PPP2R1B: variants seen among roughly 807,000 people sequenced by gnomAD.
PPP2R1B encodes the protein serine/threonine-protein phosphatase 2A 65 kDa regulatory subunit A beta isoform.
A neutral mutation model predicts 72.7 loss-of-function variants in PPP2R1B; 58 were observed. The ratio of observed to expected loss-of-function variants is 0.80; its 90% CI spans 0.65 to 0.99. The LOEUF (loss-of-function observed/expected upper bound fraction) is 0.99. PPP2R1B is among the 50% of genes least tolerant of loss of function. PPP2R1B has a pLI of 0.00. For synonymous variants in PPP2R1B, 256 were observed against 264.6 expected (o/e 0.97, Z 0.32); for missense variants, 695 against 733.6 (o/e 0.95, Z 0.61).
chr11:111,741,826 T>C (rs564960621), intron 14 of PPP2R1B, among the ~76,000 whole-genome samples: 2 of 152,332 alleles, frequency 1.3e-5, no homozygotes, highest in Admixed American at 6.5e-5. Context: ...AGAATCGTAT[T>C]TCCTACCCAG....
At chr11:111,696,427 A>G in the PPP2R1B span, among the ~76,000 whole-genome samples, 1 of 152,316 alleles carries the variant, frequency 6.6e-6, no homozygotes, top group African/African-American at 2.4e-5. Flanking sequence ...CAACTCTTCT[A>G]TAAATCTAAA....
At chr11:111,704,783 T>A in the PPP2R1B span, among the ~76,000 whole-genome samples, 5 of 152,308 alleles carry the variant, frequency 3.3e-5, no homozygotes, top group Admixed American at 3.3e-4. Flanking sequence ...TTTAAAGGGA[T>A]CATCCTTTAT....
downstream of PPP2R1B, among the ~76,000 whole-genome samples, chr11:111,734,611 G>T (rs1392363892): frequency 6.6e-6 from 1 of 152,232 alleles, no homozygotes; most frequent in Non-Finnish European, 1.5e-5. Context: ...GGACTTCAAG[G>T]TCCAATTGCC....
At chr11:111,707,781 A>G in the PPP2R1B span, among the ~76,000 whole-genome samples, 4 of 152,204 alleles carry the variant, frequency 2.6e-5, no homozygotes, top group African/African-American at 7.2e-5. Context: ...AATTGAGGAA[A>G]CAACATGATC....
chr11:111,754,005 C>T (rs1409057192), intron 8 of PPP2R1B, among the ~76,000 whole-genome samples: 1 of 152,014 alleles, frequency 6.6e-6, no homozygotes, highest in African/African-American at 2.4e-5. Context: ...CCATCTCAAC[C>T]TCCTGGGCTC....
intron 5 of PPP2R1B, 46 bp from the exon 6 acceptor site, chr11:111,755,496 T>C (rs375644673): frequency 2.6e-6 from 4 of 1,550,526 alleles, no homozygotes; most frequent in Middle Eastern, 1.7e-4. Flanking sequence ...CTGAGACCCA[T>C]GGGGAACTGC....
At chr11:111,717,231 G>C in the PPP2R1B span, among the ~76,000 whole-genome samples, 2 of 149,190 alleles carry the variant, frequency 1.3e-5, no homozygotes, top group Non-Finnish European at 3.0e-5. Flanking sequence ...CAGGAGAATG[G>C]CGTGAACCTG....
intron 4 of PPP2R1B, 78 bp from the exon 5 acceptor site, chr11:111,760,029 T>A (rs972848630): frequency 5.6e-6 from 8 of 1,421,732 alleles, no homozygotes; most frequent in South Asian, 1.4e-5. Context: ...CAGACAGACT[T>A]TTAGAGGTTT....
the PPP2R1B span, chr11:111,712,266 G>A: frequency 8.7e-6 from 14 of 1,614,166 alleles, no homozygotes; most frequent in Admixed American, 5.0e-5. Context: ...AGGCTGCTGC[G>A]ATCTGCCCTC....
rs751951275 is a variant in PPP2R1B, at chr11:111,743,519, G to A, written c.1411C>T (p.Arg471Ter). The change falls in exon 12 of 15, where the codon CGA becomes TGA. Residue 471 changes from arginine (R) to a stop codon, truncating the protein, a stop_gained. Coordinates refer to ENST00000527614, the MANE Select transcript of PPP2R1B (RefSeq NM_002716.5). LOFTEE classifies it high-confidence loss of function. ...AWLVDHVYAI[R>*]EAATNNLMKL... is the part of the protein sequence containing the mutation. The stretch of plus-strand genomic sequence containing the variant: ...ATGAGGTTGTTGGTGGCAGCTTCTC[G>A]GATGGCGTATACTGCAGAAGAGGTC... 1.1e-5 allele frequency: 17 copies of A among 1,613,290 alleles called. No individual in the cohort carries two copies. Among genetic ancestry groups the A allele is most frequent in the East Asian group, 2.2e-5 (1 of 44,874 alleles).
the PPP2R1B span, among the ~76,000 whole-genome samples, chr11:111,711,550 C>T: frequency 6.6e-6 from 1 of 152,140 alleles, no homozygotes; most frequent in African/African-American, 2.4e-5. Context: ...ACATAGCTTG[C>T]AGTAAGCGTA....
Position 111,759,817 on chromosome 11 carries a change from G to A in PPP2R1B, c.674C>T (p.Ala225Val). The change falls in exon 5 of 15, where the codon GCT becomes GTT. Residue 225 changes from alanine to valine, a missense_variant. Ala to Val is a moderately conservative substitution (Grantham distance 64, BLOSUM62 0). Coordinates refer to ENST00000527614, the MANE Select transcript of PPP2R1B (RefSeq NM_002716.5). ...SEIVPLFTSL[A>V]SDEQDSVRLL... ...GAGTTAGTTTACCTGTTCATCTGAA[G>A]CTAGACTAGTGAACAGTGGAACAAT... is the stretch of plus-strand genomic sequence containing the variant. 1 of 1,612,790 alleles carries A rather than the reference G, an allele frequency of 6.2e-7. No homozygotes were observed. The highest frequency in any genetic ancestry group is 8.5e-7 in the Non-Finnish European group (1 of 1,179,148).
chr11:111,729,671 A>G (rs1393558682), intron 15 of PPP2R1B: 1 of 152,240 alleles, frequency 6.6e-6, no homozygotes, highest in East Asian at 1.9e-4. Context: ...AGCTGTATAA[A>G]CAAAGCCCCC....
At chr11:111,737,312 T>C (rs181895801), downstream of PPP2R1B, 147 of 1,323,632 alleles carry the variant, frequency 1.1e-4, 1 homozygote, top group Non-Finnish European at 1.4e-4. Flanking sequence ...GCCCTTAAAA[T>C]TGGACTCTTC....
chr11:111,742,238 A>T (rs1944549075), intron 13 of PPP2R1B, 94 bp from the exon 14 acceptor site: 1 of 1,017,536 alleles, frequency 9.8e-7, no homozygotes, highest in African/African-American at 1.6e-5. Context: ...TTAAAATTTA[A>T]AGTAAAAAAA....
chr11:111,748,983 A>G lies in PPP2R1B; in HGVS notation c.1339-969T>C, dbSNP rs1054673262. Among the ~76,000 whole-genome samples, 7 of 150,966 alleles carry G rather than the reference A, an allele frequency of 4.6e-5. No homozygotes were observed. The South Asian group carries it at 1.5e-3, about 32-fold the overall frequency. On this transcript the variant is annotated intron_variant, in intron 10 of 14. Transcript: ENST00000527614. ...TGCCTCAGCCTCTCAAGTAGCTGGG[A>G]TTACAGATATGCAGCACATGCCCAG...
chr11:111,724,020 C>A (rs760943992), downstream of PPP2R1B: 16 of 1,614,042 alleles, frequency 9.9e-6, no homozygotes, highest in Non-Finnish European at 1.3e-5. Flanking sequence ...CTGCAAGAGG[C>A]CCCCTCCAGC....
intron 15 of PPP2R1B, chr11:111,727,201 C>G (rs1944000978): frequency 7.3e-6 from 5 of 680,428 alleles, no homozygotes; most frequent in Non-Finnish European, 1.3e-5. Context: ...GCTGATGGTT[C>G]TCTACACCAT....
At chr11:111,701,303 T>G in the PPP2R1B span, 1 of 1,102,004 alleles carries the variant, frequency 9.1e-7, no homozygotes, top group Non-Finnish European at 1.3e-6. The surrounding 1 kb of genome is among the most constrained non-coding windows in gnomAD (Gnocchi z 4.2). Flanking sequence ...TAGTCAGGGT[T>G]TTGGATTTTT....
Sources: gnomAD v4.1 joint callset for allele counts (sites outside exome capture counted in the v4.1 genomes callset) on GRCh38, gnomAD v4.1.1 for gene constraint, Gnocchi (gnomAD v3.1) non-coding constraint, MANE v1.5 for transcripts, NCBI Gene and HGNC (gene_info 2026-07-23, HGNC 2026-07-21) for gene names.